STON2: variants seen among roughly 807,000 people sequenced by gnomAD.
STON2 encodes stonin-2.
In STON2, 29 loss-of-function variants were observed where a neutral mutation model predicts 65.7. That is an observed-to-expected ratio of 0.44 (90% CI 0.33 to 0.60). The LOEUF is 0.60. Among genes scored for constraint, STON2 ranks in the 20% least tolerant of loss-of-function variants. The pLI is 0.03. For synonymous variants in STON2, 404 were observed against 414.2 expected (o/e 0.98, Z 0.30); for missense variants, 1,054 against 1,118.1 (o/e 0.94, Z 0.82).
In STON2 at chr14:81,377,639, T is replaced by C. The variant is rs201036186; in HGVS notation, c.374-6454A>G. Among the ~76,000 whole-genome samples the C allele has an allele frequency of 2.0e-5, 3 of 152,216 alleles. No individual in the cohort carries two copies. In the East Asian group the frequency reaches 5.8e-4, roughly 29 times the overall value. On this transcript the variant is annotated intron_variant, in intron 3 of 7. Transcript: ENST00000614646. ...ATTTTATATTCCCACCAGCAATGCA[T>C]GAATGATCCAATCTCTCGGCATCCT...
chr14:81,315,193 T>C (rs559906089), intron 5 of STON2, among the ~76,000 whole-genome samples: 1 of 152,320 alleles, frequency 6.6e-6, no homozygotes, highest in South Asian at 2.1e-4. Flanking sequence ...TAAGCAATAA[T>C]AGTAAGAGAA....
chr14:81,270,445 T>C, intron 7 of STON2: 2 of 1,461,946 alleles, frequency 1.4e-6, no homozygotes, highest in African/African-American at 1.4e-5. Flanking sequence ...TTCTCCTCTT[T>C]GATGAGCCTC....
intron 5 of STON2, among the ~76,000 whole-genome samples, chr14:81,292,454 C>G (rs1346961228): frequency 1.3e-5 from 2 of 152,142 alleles, no homozygotes; most frequent in Non-Finnish European, 2.9e-5. Context: ...ATTGGAGGGA[C>G]CTGGTGGCAG....
Position 81,295,862 on chromosome 14 carries a change from G to A in STON2, c.743-17123C>T, listed in dbSNP as rs565634064. ...AAACTAGTTATATGTTAGAAAATTTGGAAGGTGCAGAAGCACATAAAAAGC... is the reference window on the plus strand; with the variant it reads ...AAACTAGTTATATGTTAGAAAATTTAGAAGGTGCAGAAGCACATAAAAAGC... On this transcript the variant is annotated intron_variant, in intron 5 of 7. Coordinates refer to ENST00000614646, the MANE Select transcript of STON2 (RefSeq NM_001394390.1). 2.0e-5 allele frequency among the ~76,000 whole-genome samples: 3 copies of A among 152,226 alleles called. No homozygotes were observed. The South Asian group carries it at 6.2e-4, about 32-fold the overall frequency.
chr14:81,436,330 G>A (rs1421756893), exon 1 of STON2: 4 of 151,526 alleles, frequency 2.6e-5, no homozygotes, highest in African/African-American at 7.2e-5. Flanking sequence ...CCTGCGCCGC[G>A]GTCCGCAGGG....
intron 3 of STON2, among the ~76,000 whole-genome samples, chr14:81,394,200 A>C (rs1442660002): frequency 1.3e-5 from 2 of 152,182 alleles, no homozygotes; most frequent in African/African-American, 4.8e-5. Flanking sequence ...CAAACAAAAA[A>C]AAAAGGAAAT....
chr14:81,277,624 C>T lies in STON2; in HGVS notation c.1858G>A (p.Gly620Ser). The change falls in exon 6 of 8, where the codon GGC (glycine) becomes AGC (serine). Residue 620 changes from glycine to serine, a missense_variant. Coordinates refer to ENST00000614646, the MANE Select transcript of STON2 (RefSeq NM_001394390.1). ...PVLSMDLSTVGLNYLEEEITV... is the reference protein window; with the variant it reads ...PVLSMDLSTVSLNYLEEEITV... ...ATCTCCTCTTCAAGGTAGTTGAGGCCAACTGTGCTCAAGTCCATTGACAAC... is the reference window on the plus strand; with the variant it reads ...ATCTCCTCTTCAAGGTAGTTGAGGCTAACTGTGCTCAAGTCCATTGACAAC... 6.2e-7 allele frequency: 1 copy of T among 1,614,128 alleles called. No individual in the cohort carries two copies. The highest frequency in any genetic ancestry group is 8.5e-7 in the Non-Finnish European group (1 of 1,180,024).
intron 7 of STON2, chr14:81,270,242 T>C (rs1451609293): frequency 2.3e-6 from 1 of 442,994 alleles, no homozygotes; most frequent in East Asian, 1.6e-4. Flanking sequence ...CAGGCCACCA[T>C]GCCCGGCTAA....
At chr14:81,435,713 A>G (rs976034481) in intron 1 of STON2, among the ~76,000 whole-genome samples, 3 of 152,104 alleles carry the variant, frequency 2.0e-5, no homozygotes, top group African/African-American at 4.8e-5. Flanking sequence ...ACGCGCGCGC[A>G]CACACGCACT....
intron 4 of STON2, 145 bp downstream of exon 4, chr14:81,370,843 G>T: frequency 1.4e-6 from 1 of 703,376 alleles, no homozygotes; most frequent in Non-Finnish European, 2.4e-6. Context: ...AGCCACTTTG[G>T]GTTCTAGCTT....
intron 2 of STON2, among the ~76,000 whole-genome samples, chr14:81,420,154 T>G (rs1274091340): frequency 6.6e-6 from 1 of 152,194 alleles, no homozygotes; most frequent in East Asian, 1.9e-4. Flanking sequence ...GGTCCTGAAG[T>G]AGTGAAAGGA....
intron 4 of STON2, among the ~76,000 whole-genome samples, chr14:81,328,818 T>C (rs1897094913): frequency 6.6e-6 from 1 of 152,026 alleles, no homozygotes; most frequent in Admixed American, 6.6e-5. Context: ...CCCCTCTCAC[T>C]CTCTCACAGC....
intron 3 of STON2, among the ~76,000 whole-genome samples, chr14:81,378,445 G>A (rs2140387163): frequency 6.6e-6 from 1 of 151,760 alleles, no homozygotes; most frequent in South Asian, 2.1e-4. Flanking sequence ...CAAACTCCTG[G>A]GCTCAAGTGA....
chr14:81,373,996 T>C (rs1487042375), intron 3 of STON2, among the ~76,000 whole-genome samples: 4 of 134,590 alleles, frequency 3.0e-5, no homozygotes, highest in Non-Finnish European at 6.3e-5. Context: ...ACTATAATAA[T>C]GCCTTTTTTT....
At chr14:81,408,157 A>ACACACACG (rs147841517) in intron 2 of STON2, among the ~76,000 whole-genome samples, 7 of 150,410 alleles carry the variant, frequency 4.7e-5, no homozygotes, top group South Asian at 2.1e-4. Flanking sequence ...ACACACACAC[A>ACACACACG]CGCGCACACA....
chr14:81,357,876 T>C (rs1279521541), intron 4 of STON2, among the ~76,000 whole-genome samples: 3 of 118,406 alleles, frequency 2.5e-5, no homozygotes, highest in Admixed American at 2.4e-4. Flanking sequence ...CATCACACTC[T>C]GGGAACTGTT....
At chr14:81,279,931 C>G (rs1040241701) in intron 5 of STON2, among the ~76,000 whole-genome samples, 2 of 152,080 alleles carry the variant, frequency 1.3e-5, no homozygotes, top group African/African-American at 2.4e-5. Flanking sequence ...GTTTGAAGAA[C>G]AGAGATGTCC....
Position 81,266,000 on chromosome 14 carries a change from G to C in STON2, c.*2414C>G. ...ATCTCAAAAGCCTTCAGTACAACAGGGGAAGAGATATGCGTTGAAATTCCT... is the reference window on the plus strand; with the variant it reads ...ATCTCAAAAGCCTTCAGTACAACAGCGGAAGAGATATGCGTTGAAATTCCT... On this transcript the variant is annotated 3_prime_UTR_variant, in exon 8 of 8. Coordinates refer to ENST00000614646, the MANE Select transcript of STON2 (RefSeq NM_001394390.1). 1 of 985,386 alleles carries C rather than the reference G, an allele frequency of 1.0e-6. No homozygotes were observed. The highest frequency in any genetic ancestry group is 4.7e-5 in the South Asian group (1 of 21,284). 61.0% of individuals were successfully genotyped at this position (985,386 alleles called of 1,614,324 possible).
chr14:81,406,088 G>C (rs1376525616), intron 2 of STON2, among the ~76,000 whole-genome samples: 1 of 152,140 alleles, frequency 6.6e-6, no homozygotes, highest in East Asian at 1.9e-4. Context: ...CCAGTGATTT[G>C]CCAGGGGCTC....
Sources: gnomAD v4.1 joint callset for allele counts (sites outside exome capture counted in the v4.1 genomes callset) on GRCh38, gnomAD v4.1.1 for gene constraint, MANE v1.5 for transcripts, NCBI Gene and HGNC (gene_info 2026-07-23, HGNC 2026-07-21) for gene names.